GRIA4: variants seen among roughly 807,000 people sequenced by gnomAD.
GRIA4 encodes glutamate receptor 4.
Under a neutral mutation model 104.0 loss-of-function variants are expected in GRIA4, and 34 were observed. The ratio of observed to expected loss-of-function variants is 0.33; its 90% CI spans 0.25 to 0.44. The LOEUF is 0.44. Ranked by LOEUF, GRIA4 falls within the 20% of genes least tolerant of loss-of-function variation. The pLI, the probability that GRIA4 is intolerant of heterozygous loss-of-function variation, is 1.00. For synonymous variants in GRIA4, 386 were observed against 381.9 expected (o/e 1.01, Z -0.13); for missense variants, 750 against 1,096.5 (o/e 0.68, Z 4.46).
chr11:105,981,826 A>AT lies in GRIA4; in HGVS notation c.*2091dup, dbSNP rs1490936653. The stretch of plus-strand genomic sequence containing the variant: ...ACTCATCCTTCAATACTCCAACTGA[A>AT]TTTTACTTACCCTGAAAAGATTTCC... On this transcript the variant is annotated 3_prime_UTR_variant, in exon 17 of 17. Coordinates refer to ENST00000282499, the MANE Select transcript of GRIA4 (RefSeq NM_000829.4). The AT allele has an allele frequency of 6.6e-6, 1 of 152,518 alleles. No homozygotes were observed. The highest frequency in any genetic ancestry group is 1.5e-5 in the Non-Finnish European group (1 of 68,096). 9.4% of individuals were successfully genotyped at this position (152,518 alleles called of 1,614,324 possible). A position where few individuals can be genotyped will look rare whatever the true frequency, so the allele number is the denominator to read the frequency against.
At chr11:105,724,763 C>T (rs1018344664) in intron 3 of GRIA4, among the ~76,000 whole-genome samples, 2 of 152,088 alleles carry the variant, frequency 1.3e-5, no homozygotes, top group Non-Finnish European at 2.9e-5. Context: ...CAAAATTGTA[C>T]TTATAGCCCT....
At chr11:105,617,043 A>AT (rs1220886391) in intron 3 of GRIA4, among the ~76,000 whole-genome samples, 1 of 150,142 alleles carries the variant, frequency 6.7e-6, no homozygotes. Context: ...AAAACTCCTA[A>AT]TTTTTTTTCA....
rs534574112 is a variant in GRIA4 at position 105,896,798 on chromosome 11, T to C, written c.727-1471T>C. Among the ~76,000 whole-genome samples, 388 of 152,322 alleles carry C rather than the reference T, an allele frequency of 2.5e-3. 3 individuals carry two copies. The highest frequency in any genetic ancestry group is 8.9e-3 in the African/African-American group (371 of 41,590). On this transcript the variant is annotated intron_variant, in intron 6 of 16. Transcript: ENST00000282499. ...CTATTTCTGTACCAAAACCATGCTG[T>C]TATGGTTACTATAGCCTTATAGTAT...
chr11:105,790,318 T>G (rs775072213), intron 4 of GRIA4, among the ~76,000 whole-genome samples: 37 of 152,230 alleles, frequency 2.4e-4, no homozygotes, highest in Non-Finnish European at 4.4e-4. Context: ...GTGTCACGCT[T>G]TAGTAATTCA....
chr11:105,738,940 A>T (rs1170759249), intron 3 of GRIA4, among the ~76,000 whole-genome samples: 3 of 114,074 alleles, frequency 2.6e-5, no homozygotes, highest in Non-Finnish European at 6.2e-5. Flanking sequence ...CAAAAAAAAA[A>T]AAAACAAAAA....
rs554734673 is a variant in GRIA4 at position 105,714,348 on chromosome 11, C to A, written c.248-38633C>A. Among the ~76,000 whole-genome samples, 3 of 151,912 alleles carry A rather than the reference C, an allele frequency of 2.0e-5. No individual in the cohort carries two copies. In the East Asian group the frequency reaches 5.8e-4, roughly 29 times the overall value. ...TGCTAGAGAGTATGTATCATCAAAT[C>A]ACACTGTTTTAAATTTCTTAATATT... On this transcript the variant is annotated intron_variant, in intron 3 of 16. Coordinates refer to ENST00000282499, the MANE Select transcript of GRIA4 (RefSeq NM_000829.4).
intron 3 of GRIA4, among the ~76,000 whole-genome samples, chr11:105,692,056 A>C (rs531612598): frequency 6.6e-6 from 1 of 152,086 alleles, no homozygotes; most frequent in East Asian, 1.9e-4. Context: ...CATAGTGGTG[A>C]CCTATTTGAA....
At chr11:105,947,070 T>C (rs1295702152) in intron 14 of GRIA4, among the ~76,000 whole-genome samples, 1 of 152,190 alleles carries the variant, frequency 6.6e-6, no homozygotes, top group Non-Finnish European at 1.5e-5. Flanking sequence ...ATTAGGAACT[T>C]ACATGAAAAG....
chr11:105,658,106 A>G (rs2135403013), intron 3 of GRIA4, among the ~76,000 whole-genome samples: 1 of 151,992 alleles, frequency 6.6e-6, no homozygotes, highest in East Asian at 1.9e-4. Flanking sequence ...TTTAAGAAAT[A>G]TTAACATTAG....
At chr11:105,696,707 C>A (rs1953289818) in intron 3 of GRIA4, among the ~76,000 whole-genome samples, 1 of 151,928 alleles carries the variant, frequency 6.6e-6, no homozygotes, top group South Asian at 2.1e-4. Context: ...TTTTATTCTG[C>A]ACAAGATACA....
At chr11:105,940,042 C>A (rs983145713) in intron 14 of GRIA4, among the ~76,000 whole-genome samples, 1 of 151,942 alleles carries the variant, frequency 6.6e-6, no homozygotes, top group Non-Finnish European at 1.5e-5. Context: ...TAGCTGACAG[C>A]GTGGTGGTAG....
At chr11:105,806,988 T>C (rs1942979347) in intron 4 of GRIA4, among the ~76,000 whole-genome samples, 1 of 151,708 alleles carries the variant, frequency 6.6e-6, no homozygotes, top group Admixed American at 6.6e-5. Flanking sequence ...ATATTGAGAA[T>C]CAGTCCATGA....
chr11:105,692,990 A>G (rs1430223643), intron 3 of GRIA4, among the ~76,000 whole-genome samples: 1 of 152,230 alleles, frequency 6.6e-6, no homozygotes, highest in East Asian at 1.9e-4. Context: ...ATATTCTGCT[A>G]TTAAAGAGCT....
chr11:105,905,581 C>G (rs1947014908), intron 9 of GRIA4, among the ~76,000 whole-genome samples: 2 of 151,962 alleles, frequency 1.3e-5, no homozygotes, highest in South Asian at 4.1e-4. Context: ...AAAAGAATCC[C>G]ACAAAACAAA....
intron 3 of GRIA4, among the ~76,000 whole-genome samples, chr11:105,751,374 C>T (rs1054893790): frequency 1.2e-4 from 19 of 152,080 alleles, no homozygotes; most frequent in African/African-American, 3.4e-4. Flanking sequence ...TAGGGTCTGA[C>T]GCAGCAACTT....
chr11:105,688,406 C>G (rs994042158), intron 3 of GRIA4, among the ~76,000 whole-genome samples: 12 of 151,594 alleles, frequency 7.9e-5, no homozygotes, highest in African/African-American at 2.7e-4. Flanking sequence ...AAAAATACAG[C>G]AAAAATTAGC....
intron 3 of GRIA4, among the ~76,000 whole-genome samples, chr11:105,723,172 A>C (rs1232343441): frequency 6.6e-6 from 1 of 152,102 alleles, no homozygotes. Flanking sequence ...TCAATGAGAA[A>C]GGAAATGCTG....
intron 3 of GRIA4, among the ~76,000 whole-genome samples, chr11:105,745,401 G>A (rs186468695): frequency 3.3e-5 from 5 of 152,252 alleles, no homozygotes; most frequent in East Asian, 1.9e-4. Context: ...TTGCCAAACC[G>A]GAGCAGGAGA....
At chr11:105,642,126 T>A (rs1462058954) in intron 3 of GRIA4, among the ~76,000 whole-genome samples, 1 of 152,048 alleles carries the variant, frequency 6.6e-6, no homozygotes, top group East Asian at 1.9e-4. Context: ...ACTCGATTCT[T>A]TAAAGACCCT....
Sources: allele counts gnomAD v4.1 joint callset (sites outside exome capture counted in the v4.1 genomes callset), GRCh38; gene constraint gnomAD v4.1.1; transcripts MANE v1.5; gene names NCBI Gene and HGNC (gene_info 2026-07-23, HGNC 2026-07-21).